The following FBF1 variants were observed in gnomAD, a reference collection of about 807,000 sequenced individuals.
FBF1 encodes the protein fas-binding factor 1.
In FBF1, 119 loss-of-function variants were observed where a neutral mutation model predicts 147.2. The ratio of observed to expected loss-of-function variants is 0.81; its 90% CI spans 0.70 to 0.94. The LOEUF (loss-of-function observed/expected upper bound fraction) is 0.94. Ranked by LOEUF, FBF1 falls within the 40% of genes least tolerant of loss-of-function variation. The pLI, the probability that FBF1 is intolerant of heterozygous loss-of-function variation, is 0.00. For synonymous variants in FBF1, 601 were observed against 609.0 expected (o/e 0.99, Z 0.19); for missense variants, 1,449 against 1,500.8 (o/e 0.97, Z 0.57).
intron 1 of FBF1, chr17:75,939,669 T>C (rs1051119023): frequency 2.0e-5 from 3 of 152,230 alleles, no homozygotes; most frequent in Non-Finnish European, 4.4e-5. Flanking sequence ...GTGCTGGGAT[T>C]ACAGGTGTGA....
chr17:75,934,981 T>C (rs1821748867), intron 4 of FBF1, among the ~76,000 whole-genome samples: 1 of 151,940 alleles, frequency 6.6e-6, no homozygotes, highest in South Asian at 2.1e-4. Context: ...TAATAAGTGC[T>C]TGCCTAAGGT....
intron 7 of FBF1, 97 bp downstream of exon 7, chr17:75,929,900 G>A (rs866481096): frequency 1.9e-5 from 21 of 1,116,726 alleles, no homozygotes; most frequent in Non-Finnish European, 2.5e-5. Flanking sequence ...AGGTTGTAAA[G>A]GGAGAAATTA....
In FBF1 at chr17:75,922,097, C is replaced by T. The variant is rs1167253930; in HGVS notation, c.1425-51G>A. 1 of 1,496,466 alleles carries T rather than the reference C, an allele frequency of 6.7e-7. No individual in the cohort carries two copies. The highest frequency in any genetic ancestry group is 9.1e-7 in the Non-Finnish European group (1 of 1,098,708). The allele number at this position is 1,496,466 out of a possible 1,614,324, so 92.7% of individuals were successfully genotyped here. A position where few individuals can be genotyped will look rare whatever the true frequency, so the allele number is the denominator to read the frequency against. The stretch of plus-strand genomic sequence containing the variant: ...AAGGTGACAGAAGGCCCAGGTCAGG[C>T]TGGATGAAGACAGGGCCCAGGACGG... On this transcript the variant is annotated intron_variant, in intron 14 of 29. Coordinates refer to ENST00000636174, the MANE Select transcript of FBF1 (RefSeq NM_001319193.2). The surrounding 1 kb of genome is among the most constrained non-coding windows in gnomAD (Gnocchi z 5.0).
At position 75,915,191 on chromosome 17, in the gene FBF1, G is replaced by A. The variant is rs116555122; in HGVS notation, c.2506-52C>T. On this transcript the variant is annotated intron_variant, in intron 23 of 29. Transcript: ENST00000636174. ...GCGTGGTTCCCGCCCTGAGGATCAC[G>A]CCTGGCCACTCCCTGAGAAGCTGCA... 1.2e-3 allele frequency: 1,838 copies of A among 1,561,756 alleles called. 18 individuals are homozygous for A. The Middle Eastern group carries it at 0.028, about 24-fold the overall frequency.
chr17:75,935,537 A>T, intron 4 of FBF1, 95 bp downstream of exon 4: 1 of 1,279,858 alleles, frequency 7.8e-7, no homozygotes, highest in African/African-American at 1.5e-5. Flanking sequence ...GGATCATTTC[A>T]GTCCAGAAGC....
In FBF1 at chr17:75,910,607, A is replaced by G. The variant is rs1437386053; in HGVS notation, c.*116T>C. The stretch of plus-strand genomic sequence containing the variant: ...GCACCCTGTCCACGGAAGAGCTGTC[A>G]TCAGGCCTCAAGCATCTCAGAATCC... On this transcript the variant is annotated 3_prime_UTR_variant, in exon 30 of 30. Coordinates refer to ENST00000636174, the MANE Select transcript of FBF1 (RefSeq NM_001319193.2). This position sits in a 1 kb window ranked among gnomAD's most constrained non-coding sequence, Gnocchi z 4.1. The G allele has an allele frequency of 1.4e-5, 12 of 866,268 alleles. No homozygotes were observed. In the Admixed American group the frequency reaches 2.8e-4, roughly 21 times the overall value. The allele number at this position is 866,268 out of a possible 1,614,324, so 53.7% of individuals were successfully genotyped here.
In FBF1 at chr17:75,912,249, G is replaced by A. The variant is rs1215850564; in HGVS notation, c.3306C>T (p.Asp1102=). 5 of 1,611,208 alleles carry A rather than the reference G, an allele frequency of 3.1e-6. No homozygotes were observed. The South Asian group carries it at 3.3e-5, about 11-fold the overall frequency. The part of the protein sequence containing the change: ...RWCSQPPTGL[D]PSPLHLHARL... ...TGGCATGGAGGTGCAAGGGGCTGGG[G>A]TCCAGGCCAGTTGGCGGCTGGCTGC... The change falls in exon 29 of 30, where the codon GAC becomes GAT. Residue 1102 remains aspartate (D), a synonymous_variant. Coordinates refer to ENST00000636174, the MANE Select transcript of FBF1 (RefSeq NM_001319193.2).
intron 28 of FBF1, among the ~76,000 whole-genome samples, chr17:75,913,160 T>A (rs1470972569): frequency 2.7e-5 from 4 of 150,622 alleles, no homozygotes; most frequent in Non-Finnish European, 3.0e-5. Flanking sequence ...TTTTTTTTTT[T>A]TTTTTTTAAA....
At chr17:75,926,595 G>A (rs1048050706) in intron 10 of FBF1, among the ~76,000 whole-genome samples, 163 bp downstream of exon 10, 8 of 152,150 alleles carry the variant, frequency 5.3e-5, no homozygotes, top group Admixed American at 2.0e-4. Flanking sequence ...AGACTCACAC[G>A]TCCTACCTTC....
chr17:75,935,166 A>ATT lies in FBF1; in HGVS notation c.73+464_73+465dup, dbSNP rs556762409. On this transcript the variant is annotated intron_variant, in intron 4 of 29. Transcript: ENST00000636174. Reference sequence around the variant, plus strand: ...CTTTATGCTATATAAATTACATCTCATTTTTTTTTTTTTTTTGAGACGGAG... The same window carrying ATT: ...CTTTATGCTATATAAATTACATCTCATTTTTTTTTTTTTTTTTTGAGACGGAG... Among the ~76,000 whole-genome samples the ATT allele has an allele frequency of 2.0e-4, 29 of 142,468 alleles. 1 individual carries two copies. Among genetic ancestry groups the ATT allele is most frequent in the African/African-American group, 4.6e-4 (18 of 38,912 alleles). 93.5% of individuals were successfully genotyped at this position (142,468 alleles called of 152,430 possible).
intron 5 of FBF1, 109 bp from the exon 6 acceptor site, chr17:75,931,398 G>T: frequency 1.1e-6 from 1 of 900,064 alleles, no homozygotes; most frequent in Non-Finnish European, 1.7e-6. Flanking sequence ...GGTCTCTCCG[G>T]AGAACAGAGG....
chr17:75,913,331 A>G (rs2065466766), intron 28 of FBF1: 1 of 162,410 alleles, frequency 6.2e-6, no homozygotes, highest in Admixed American at 6.4e-5. Context: ...TATTTTTAGC[A>G]GAGACGGGGT....
chr17:75,928,084 T>C lies in FBF1; in HGVS notation c.389A>G (p.Lys130Arg), dbSNP rs776580318. The change falls in exon 8 of 30, where the codon AAG (lysine) becomes AGG (arginine). Residue 130 changes from lysine to arginine, a missense_variant. Physicochemically the swap from Lys to Arg is conservative, Grantham distance 26. Coordinates refer to ENST00000636174, the MANE Select transcript of FBF1 (RefSeq NM_001319193.2). This position sits in a 1 kb window ranked among gnomAD's most constrained non-coding sequence, Gnocchi z 4.2. ...PGKGELPNHP[K>R]PAGGAIPTKK... is the part of the protein sequence containing the mutation. Reference sequence around the variant, plus strand: ...ACTGGCTACTGACCCACCTGCAGGCTTGGGGTGGTTGGGCAGCTCTCCTTT... The same window carrying C: ...ACTGGCTACTGACCCACCTGCAGGCCTGGGGTGGTTGGGCAGCTCTCCTTT... The C allele has an allele frequency of 6.2e-7, 1 of 1,613,248 alleles. No individual in the cohort carries two copies. The highest frequency in any genetic ancestry group is 1.3e-5 in the African/African-American group (1 of 74,906).
Position 75,910,097 on chromosome 17 carries a change from C to G in FBF1, c.*626G>C. On this transcript the variant is annotated 3_prime_UTR_variant, in exon 30 of 30. Transcript: ENST00000636174. The surrounding 1 kb of genome is among the most constrained non-coding windows in gnomAD (Gnocchi z 4.1). The stretch of plus-strand genomic sequence containing the variant: ...AGGAAGCTGAGGAGGCCACTGTTCA[C>G]CCAAACTGGTTGGTCCTTCGGGCAA... The G allele has an allele frequency of 1.8e-6, 1 of 566,752 alleles. No homozygotes were observed. Among genetic ancestry groups the G allele is most frequent in the South Asian group, 1.5e-5 (1 of 64,628 alleles). 35.1% of individuals were successfully genotyped at this position (566,752 alleles called of 1,614,324 possible). A position where few individuals can be genotyped will look rare whatever the true frequency, so the allele number is the denominator to read the frequency against.
In FBF1 at chr17:75,923,293, G is replaced by T; in HGVS notation, c.1317C>A (p.Ser439Arg). 1 of 1,592,270 alleles carries T rather than the reference G, an allele frequency of 6.3e-7. No homozygotes were observed. ...GGGACTTCTTCCGAGACAGGGCATG[G>T]CTCAGCCAGTCCTCTTTCTCCTCCT... Reference protein sequence around the residue: ...ASKEEKEDWLSHALSRKKSQG... With the variant: ...ASKEEKEDWLRHALSRKKSQG... The change falls in exon 14 of 30, where the codon AGC (serine) becomes AGA (arginine). Residue 439 changes from serine (S) to arginine (R), a missense_variant. Transcript: ENST00000636174. The surrounding 1 kb of genome is among the most constrained non-coding windows in gnomAD (Gnocchi z 4.1).
intron 1 of FBF1, chr17:75,939,849 G>A (rs1012173393): frequency 6.6e-6 from 1 of 152,264 alleles, no homozygotes; most frequent in Non-Finnish European, 1.5e-5. Context: ...AGGAGTCAGA[G>A]GGGTCCTCTT....
At chr17:75,912,102 C>T in intron 29 of FBF1, 90 bp downstream of exon 29, 1 of 1,312,222 alleles carries the variant, frequency 7.6e-7, no homozygotes, top group South Asian at 1.3e-5. Flanking sequence ...GGTCACCCCT[C>T]CCCAGGGCTA....
At chr17:75,930,504 A>G (rs1426894461) in intron 6 of FBF1, among the ~76,000 whole-genome samples, 1 of 152,392 alleles carries the variant, frequency 6.6e-6, no homozygotes, top group East Asian at 1.9e-4. Context: ...TCACGCCTGT[A>G]ATCCCAGCAC....
intron 4 of FBF1, among the ~76,000 whole-genome samples, chr17:75,933,536 A>C (rs976257099): frequency 1.3e-5 from 2 of 152,040 alleles, no homozygotes; most frequent in African/African-American, 2.4e-5. Flanking sequence ...GCGCCACTGC[A>C]CTCCAGCCTG....
Sources: allele counts gnomAD v4.1 joint callset (sites outside exome capture counted in the v4.1 genomes callset), GRCh38; gene constraint gnomAD v4.1.1; non-coding constraint Gnocchi (gnomAD v3.1); transcripts MANE v1.5; gene names NCBI Gene and HGNC (gene_info 2026-07-23, HGNC 2026-07-21).